DCP1A: variants seen among roughly 807,000 people sequenced by gnomAD.
The protein encoded by DCP1A is mRNA-decapping enzyme 1A.
Under a neutral mutation model 58.0 loss-of-function variants are expected in DCP1A, and 20 were observed. The ratio of observed to expected loss-of-function variants is 0.34; its 90% confidence interval spans 0.24 to 0.50. The LOEUF is 0.50. Among genes scored for constraint, DCP1A ranks in the 20% least tolerant of loss-of-function variants. The pLI is 0.98. For missense variants in DCP1A, 613 were observed against 712.2 expected (o/e 0.86, Z 1.59); for synonymous variants, 285 against 275.1 (o/e 1.04, Z -0.36).
chr3:53,306,664 G>A (rs1215107922), intron 5 of DCP1A, among the ~76,000 whole-genome samples: 2 of 151,526 alleles, frequency 1.3e-5, no homozygotes, highest in African/African-American at 4.8e-5. Flanking sequence ...CCAGCTACTC[G>A]GGAGGCTGAG....
intron 3 of DCP1A, among the ~76,000 whole-genome samples, chr3:53,333,286 G>A (rs903519641): frequency 1.5e-4 from 23 of 151,846 alleles, no homozygotes; most frequent in African/African-American, 5.1e-4. Flanking sequence ...GATTACAGGC[G>A]CCTGCCACCA....
intron 9 of DCP1A, 79 bp downstream of exon 9, chr3:53,287,986 C>A: frequency 7.3e-7 from 1 of 1,371,306 alleles, no homozygotes; most frequent in Non-Finnish European, 1.0e-6. Flanking sequence ...ACTTTATGAA[C>A]TGATTCTGTA....
chr3:53,315,424 G>A (rs1325628712), intron 4 of DCP1A, among the ~76,000 whole-genome samples: 1 of 150,622 alleles, frequency 6.6e-6, no homozygotes, highest in South Asian at 2.1e-4. Context: ...TGTAATCCCA[G>A]CTACTCGGGA....
intron 1 of DCP1A, 81 bp downstream of exon 1, chr3:53,347,302 C>A: frequency 7.1e-7 from 1 of 1,402,426 alleles, no homozygotes; most frequent in Non-Finnish European, 9.3e-7. Context: ...AGTGTGCCCC[C>A]CCACCCCACA....
intron 3 of DCP1A, among the ~76,000 whole-genome samples, chr3:53,326,337 A>G (rs782067402): frequency 6.6e-6 from 1 of 152,248 alleles, no homozygotes; most frequent in Non-Finnish European, 1.5e-5. Flanking sequence ...GGCAACCCTA[A>G]GTAAAACAGT....
At chr3:53,330,968 C>A (rs1397900854) in intron 3 of DCP1A, among the ~76,000 whole-genome samples, 3 of 151,188 alleles carry the variant, frequency 2.0e-5, no homozygotes, top group Non-Finnish European at 4.4e-5. Context: ...AAGTGATTCT[C>A]CTGCCTCAGC....
At chr3:53,310,482 C>G (rs1392290569) in intron 5 of DCP1A, among the ~76,000 whole-genome samples, 1 of 152,190 alleles carries the variant, frequency 6.6e-6, no homozygotes, top group African/African-American at 2.4e-5. Flanking sequence ...TACCTTGATA[C>G]AGTTATTACT....
Position 53,288,103 on chromosome 3 carries a change from T to C in DCP1A, c.1630A>G (p.Lys544Glu). Reference protein sequence around the residue: ...SQRKPSIILSKSQLQDTLIHL... With the variant: ...SQRKPSIILSESQLQDTLIHL... Reference sequence around the variant, plus strand: ...ATTAATGTATCCTGGAGCTGAGACTTGCTGAGAATAATGGAAGGCTTTCTC... The same window carrying C: ...ATTAATGTATCCTGGAGCTGAGACTCGCTGAGAATAATGGAAGGCTTTCTC... Residue 544 changes from lysine (K) to glutamate (E), a missense_variant, in exon 9 of 10, where the codon AAG (lysine) becomes GAG (glutamate). Physicochemically the swap from Lys to Glu is moderately conservative, Grantham distance 56. Transcript: ENST00000610213. 3.7e-6 allele frequency: 6 copies of C among 1,614,048 alleles called. No homozygotes were observed. Among genetic ancestry groups the C allele is most frequent in the Non-Finnish European group, 5.1e-6 (6 of 1,179,884 alleles).
intron 3 of DCP1A, among the ~76,000 whole-genome samples, chr3:53,331,584 C>T (rs880002876): frequency 1.1e-4 from 16 of 150,452 alleles, no homozygotes; most frequent in Non-Finnish European, 2.1e-4. Flanking sequence ...TAAGTACACT[C>T]TATGATGTGC....
chr3:53,319,764 A>G (rs1467883451), intron 3 of DCP1A, among the ~76,000 whole-genome samples: 1 of 152,208 alleles, frequency 6.6e-6, no homozygotes, highest in Non-Finnish European at 1.5e-5. Flanking sequence ...TTTATGTACT[A>G]TCAAGCTTTT....
chr3:53,302,315 A>G (rs1553687495), intron 6 of DCP1A, among the ~76,000 whole-genome samples: 1 of 152,230 alleles, frequency 6.6e-6, no homozygotes, highest in Non-Finnish European at 1.5e-5. Flanking sequence ...TTAAAAACCT[A>G]CGGATTTTAT....
intron 5 of DCP1A, 47 bp from the exon 6 acceptor site, chr3:53,304,337 C>T: frequency 6.9e-7 from 1 of 1,453,996 alleles, no homozygotes; most frequent in Non-Finnish European, 9.6e-7. Flanking sequence ...AAAAAATTTG[C>T]TATTATTTGG....
chr3:53,311,435 C>T (rs1265455853), intron 5 of DCP1A, among the ~76,000 whole-genome samples: 2 of 152,176 alleles, frequency 1.3e-5, no homozygotes, highest in South Asian at 4.1e-4. Flanking sequence ...ACTGCTTGCA[C>T]ATAGTAGATG....
intron 5 of DCP1A, 41 bp from the exon 6 acceptor site, chr3:53,304,331 A>C: frequency 6.7e-7 from 1 of 1,482,468 alleles, no homozygotes; most frequent in Non-Finnish European, 9.4e-7. Flanking sequence ...TTGTGAAAAA[A>C]ATTTGCTATT....
intron 6 of DCP1A, among the ~76,000 whole-genome samples, chr3:53,301,260 C>G (rs1707304084): frequency 6.6e-6 from 1 of 151,748 alleles, no homozygotes; most frequent in South Asian, 2.1e-4. Flanking sequence ...TCCTAGAAAA[C>G]AGTTTGGTGG....
At position 53,292,258 on chromosome 3, in the gene DCP1A, G is replaced by A; in HGVS notation, c.1194C>T (p.Leu398=). ...TTTGGTCATGCTGTGGGGTCAACCT[G>A]AGTTTCTGGAGAAGATCAACGCTTG... is the stretch of plus-strand genomic sequence containing the variant. ...SLPSVDLLQK[L]RLTPQHDQIQ... The change falls in exon 7 of 10, where the codon CTC becomes CTT. Residue 398 remains leucine, a synonymous_variant. Transcript: ENST00000610213. 6 of 1,614,000 alleles carry A rather than the reference G, an allele frequency of 3.7e-6. No individual in the cohort carries two copies. Among genetic ancestry groups the A allele is most frequent in the Non-Finnish European group, 5.1e-6 (6 of 1,179,900 alleles).
chr3:53,329,611 T>C (rs897833205), intron 3 of DCP1A, among the ~76,000 whole-genome samples: 1 of 152,220 alleles, frequency 6.6e-6, no homozygotes, highest in African/African-American at 2.4e-5. Flanking sequence ...TTTACTCACA[T>C]AGGATCACTT....
chr3:53,306,013 C>T (rs1707459386), intron 5 of DCP1A, among the ~76,000 whole-genome samples: 2 of 152,152 alleles, frequency 1.3e-5, no homozygotes, highest in Admixed American at 1.3e-4. Context: ...CATGCCAAAA[C>T]CGACACCAAA....
chr3:53,321,447 T>C (rs1179452814), intron 3 of DCP1A, among the ~76,000 whole-genome samples: 1 of 152,220 alleles, frequency 6.6e-6, no homozygotes, highest in Non-Finnish European at 1.5e-5. Context: ...AGGCTGGGCA[T>C]GGTGGCTCAC....
Sources: gnomAD v4.1 joint callset for allele counts (sites outside exome capture counted in the v4.1 genomes callset) on GRCh38, gnomAD v4.1.1 for gene constraint, MANE v1.5 for transcripts, NCBI Gene and HGNC (gene_info 2026-07-23, HGNC 2026-07-21) for gene names.